Variants in XPO5 observed in about 807,000 individuals in gnomAD.
XPO5 encodes exportin 5.
In XPO5, 46 loss-of-function variants were observed where a neutral mutation model predicts 160.6. The observed-to-expected ratio is 0.29, with a 90% CI of 0.23 to 0.37. The LOEUF is 0.37. XPO5 is among the 10% of genes least tolerant of loss of function. The pLI, the probability that XPO5 is intolerant of heterozygous loss-of-function variation, is 1.00. For synonymous variants in XPO5, 537 were observed against 519.3 expected (o/e 1.03, Z -0.46); for missense variants, 1,090 against 1,463.9 (o/e 0.74, Z 4.17).
rs772237906 is a variant in XPO5, at chr6:43,525,098, T to G, written c.3174+9A>C. 2.5e-6 allele frequency: 4 copies of G among 1,570,490 alleles called. No individual in the cohort carries two copies. In the South Asian group the frequency reaches 4.7e-5, roughly 18 times the overall value. ...ATGAGGGGCAGGGAAAAGGGGTGAA[T>G]AACCATACTTGTTTGAGGAGAGGCC... is the stretch of plus-strand genomic sequence containing the variant. On this transcript the variant is annotated intron_variant, in intron 29 of 31. Transcript: ENST00000265351.
chr6:43,566,868 A>G (rs1762725798), intron 7 of XPO5, among the ~76,000 whole-genome samples: 1 of 151,858 alleles, frequency 6.6e-6, no homozygotes, highest in Admixed American at 6.6e-5. Flanking sequence ...ACCATCCAAG[A>G]TTCCTTGACA....
intron 20 of XPO5, among the ~76,000 whole-genome samples, chr6:43,537,106 A>G (rs545294777): frequency 2.6e-5 from 4 of 151,672 alleles, no homozygotes; most frequent in East Asian, 1.9e-4. Context: ...AGCTGGGACT[A>G]TAAGTGTGCA....
At chr6:43,547,500 C>T (rs757055153) in intron 19 of XPO5, 108 bp downstream of exon 19, 12 of 959,922 alleles carry the variant, frequency 1.3e-5, no homozygotes, top group African/African-American at 3.2e-5. Context: ...GAGACTCCCA[C>T]GTTTCTCACC....
intron 8 of XPO5, among the ~76,000 whole-genome samples, chr6:43,562,657 C>A (rs1335968137): frequency 6.6e-6 from 1 of 152,098 alleles, no homozygotes; most frequent in Admixed American, 6.6e-5. Flanking sequence ...TAAACGAGGC[C>A]TAGGCTTTAG....
chr6:43,569,536 C>T (rs914449252), intron 5 of XPO5, among the ~76,000 whole-genome samples: 2 of 151,900 alleles, frequency 1.3e-5, no homozygotes, highest in Non-Finnish European at 2.9e-5. Flanking sequence ...GAGTTCAAGA[C>T]CAGCCTGACC....
intron 24 of XPO5, 127 bp from the exon 25 acceptor site, chr6:43,528,332 TG>T (rs1793727728): frequency 1.1e-6 from 1 of 872,302 alleles, no homozygotes; most frequent in Non-Finnish European, 1.8e-6. Context: ...TGACAACTTC[TG>T]TAGACTCCAC....
At chr6:43,555,686 G>T in intron 13 of XPO5, 150 bp downstream of exon 13, 1 of 921,250 alleles carries the variant, frequency 1.1e-6, no homozygotes, top group South Asian at 3.1e-5. Flanking sequence ...GTCAGCCAAT[G>T]AAAACGCTCC....
chr6:43,537,943 C>T (rs1794442898), intron 20 of XPO5, among the ~76,000 whole-genome samples: 1 of 151,534 alleles, frequency 6.6e-6, no homozygotes, highest in African/African-American at 2.4e-5. Context: ...TGGCGCACAC[C>T]TGTAATCCCA....
chr6:43,549,282 C>T (rs185749371), intron 17 of XPO5, among the ~76,000 whole-genome samples: 1 of 152,158 alleles, frequency 6.6e-6, no homozygotes, highest in African/African-American at 2.4e-5. Context: ...CAGGCTGGTC[C>T]CGAACCCCTG....
At chr6:43,548,601 T>C (rs1389865381) in intron 17 of XPO5, 141 bp from the exon 18 acceptor site, 93 of 686,148 alleles carry the variant, frequency 1.4e-4, no homozygotes, top group Non-Finnish European at 1.9e-4. Flanking sequence ...GTAATTCTGT[T>C]ATATGTCTTT....
At chr6:43,528,388 C>T (rs565376207) in intron 24 of XPO5, among the ~76,000 whole-genome samples, 183 bp from the exon 25 acceptor site, 1 of 152,244 alleles carries the variant, frequency 6.6e-6, no homozygotes, top group Admixed American at 6.5e-5. Flanking sequence ...TAACCTATCC[C>T]ACATCCCTGA....
At chr6:43,568,799 A>G in intron 5 of XPO5, 62 bp from the exon 6 acceptor site, 1 of 1,407,088 alleles carries the variant, frequency 7.1e-7, no homozygotes, top group Non-Finnish European at 9.6e-7. Flanking sequence ...ATAACTTTCT[A>G]CCCCCCACAA....
chr6:43,524,088 C>T lies in XPO5; in HGVS notation c.3478-83G>A, dbSNP rs561345033. 3,191 of 1,528,720 alleles carry T rather than the reference C, an allele frequency of 2.1e-3. 4 individuals are homozygous for T. Among genetic ancestry groups the T allele is most frequent in the Non-Finnish European group, 2.6e-3 (3,022 of 1,142,812 alleles). The allele number at this position is 1,528,720 out of a possible 1,614,324, so 94.7% of individuals were successfully genotyped here. On this transcript the variant is annotated intron_variant, in intron 31 of 31. Coordinates refer to ENST00000265351, the MANE Select transcript of XPO5 (RefSeq NM_020750.3). ...TCTCTTGGCCCGGCGCAGTGGCTCG[C>T]GCCTGTAATCCCAACACTTTTGGGA...
rs551227900 is a variant in XPO5 at position 43,536,906 on chromosome 6, C to T, written c.2343-2899G>A. The stretch of plus-strand genomic sequence containing the variant: ...AAACAGACAATATGGTGTCTGTCCT[C>T]GACAACTCAACTCTGCATAGAAAGC... On this transcript the variant is annotated intron_variant, in intron 20 of 31. Coordinates refer to ENST00000265351, the MANE Select transcript of XPO5 (RefSeq NM_020750.3). Among the ~76,000 whole-genome samples, 14 of 151,376 alleles carry T rather than the reference C, an allele frequency of 9.2e-5. 1 individual carries two copies. Among genetic ancestry groups the T allele is most frequent in the East Asian group, 7.8e-4 (4 of 5,156 alleles).
intron 21 of XPO5, 120 bp from the exon 22 acceptor site, chr6:43,531,695 C>A: frequency 1.2e-6 from 1 of 840,106 alleles, no homozygotes; most frequent in Non-Finnish European, 2.0e-6. Context: ...TGGTGCTGTA[C>A]TGCAAAGCAG....
At position 43,568,650 on chromosome 6, in the gene XPO5, C is replaced by A. The variant is rs536640815; in HGVS notation, c.648+61G>T. ...GGCTGAGGTCACCATCCACTAGGGGCACGTATCCCCTCACCTGAAAGGTTC... is the reference window on the plus strand; with the variant it reads ...GGCTGAGGTCACCATCCACTAGGGGAACGTATCCCCTCACCTGAAAGGTTC... On this transcript the variant is annotated intron_variant, in intron 6 of 31. Coordinates refer to ENST00000265351, the MANE Select transcript of XPO5 (RefSeq NM_020750.3). 5 of 1,383,464 alleles carry A rather than the reference C, an allele frequency of 3.6e-6. No individual in the cohort carries two copies. In the South Asian group the frequency reaches 7.2e-5, roughly 20 times the overall value. The allele number at this position is 1,383,464 out of a possible 1,614,324, so 85.7% of individuals were successfully genotyped here.
At position 43,523,686 on chromosome 6, in the gene XPO5, CTT is replaced by C; in HGVS notation, c.*180_*181del. 1.1e-6 allele frequency: 1 copy of C among 942,808 alleles called. No homozygotes were observed. The highest frequency in any genetic ancestry group is 1.8e-6 in the Non-Finnish European group (1 of 569,210). 58.4% of individuals were successfully genotyped at this position (942,808 alleles called of 1,614,324 possible). ...TAAGCCCTAACTCCCTTTCTTGATA[CTT>C]TAGTATAATTACTTCTGGTCCTGCA... On this transcript the variant is annotated 3_prime_UTR_variant, in exon 32 of 32. Coordinates refer to ENST00000265351, the MANE Select transcript of XPO5 (RefSeq NM_020750.3).
intron 5 of XPO5, among the ~76,000 whole-genome samples, chr6:43,570,254 G>C (rs1762936956): frequency 7.0e-6 from 1 of 142,264 alleles, no homozygotes; most frequent in Non-Finnish European, 1.5e-5. Context: ...AGAGGTTGCA[G>C]TGAGCCGGGA....
At chr6:43,561,993 C>T (rs143416910) in intron 9 of XPO5, 5 of 313,110 alleles carry the variant, frequency 1.6e-5, no homozygotes, top group African/African-American at 1.1e-4. Context: ...CACAAGAAAC[C>T]AACGTTGACT....
Sources: allele counts gnomAD v4.1 joint callset (sites outside exome capture counted in the v4.1 genomes callset), GRCh38; gene constraint gnomAD v4.1.1; transcripts MANE v1.5; gene names NCBI Gene and HGNC (gene_info 2026-07-23, HGNC 2026-07-21).